Variants in RMDN2 observed in about 807,000 individuals in gnomAD.
RMDN2 encodes the protein regulator of microtubule dynamics 2, also known as regulator of microtubule dynamics protein 2.
RMDN2 carries 61 observed loss-of-function variants against 52.8 expected under a neutral mutation model. The observed-to-expected ratio is 1.16, with a 90% CI of 0.94 to 1.43. The LOEUF is 1.43. Among genes scored for constraint, RMDN2 ranks in the 40% most tolerant of loss-of-function variants. The probability of loss-of-function intolerance (pLI) is 0.00; values close to 1 mark genes in which losing one functional copy is unlikely to be tolerated. For missense variants in RMDN2, 592 were observed against 475.3 expected, an observed-to-expected ratio of 1.25 and a Z score of -2.28; for synonymous variants, 180 against 153.1, an observed-to-expected ratio of 1.18 and a Z score of -1.30.
intron 10 of RMDN2, among the ~76,000 whole-genome samples, chr2:38,031,939 A>G (rs924777882): frequency 1.3e-5 from 2 of 152,140 alleles, no homozygotes; most frequent in Admixed American, 6.5e-5. Context: ...GAATCATACA[A>G]CAAAGCAGAT....
chr2:38,013,355 T>G (rs1678274463), intron 10 of RMDN2, among the ~76,000 whole-genome samples: 1 of 152,244 alleles, frequency 6.6e-6, no homozygotes, highest in South Asian at 2.1e-4. Context: ...TTAAAATTGC[T>G]GAAACATTTT....
chr2:38,022,848 T>C (rs1573150732), intron 10 of RMDN2, among the ~76,000 whole-genome samples: 1 of 152,242 alleles, frequency 6.6e-6, no homozygotes, highest in South Asian at 2.1e-4. Flanking sequence ...ACTAAACTTC[T>C]CATTTTTACC....
intron 10 of RMDN2, among the ~76,000 whole-genome samples, chr2:38,056,746 T>C (rs1025777759): frequency 1.3e-5 from 2 of 152,236 alleles, no homozygotes; most frequent in Non-Finnish European, 2.9e-5. Context: ...CTAAATGATA[T>C]AAAATGATGG....
chr2:38,050,872 C>G (rs1319900971), intron 10 of RMDN2, among the ~76,000 whole-genome samples: 8 of 152,208 alleles, frequency 5.3e-5, no homozygotes, highest in African/African-American at 1.9e-4. Context: ...AGTTCTCTCA[C>G]CTCAGCATCC....
chr2:37,950,304 G>A (rs1572754530), intron 2 of RMDN2: 4 of 645,628 alleles, frequency 6.2e-6, no homozygotes, highest in South Asian at 3.8e-5. Context: ...TGGATTTGTT[G>A]GATGACTCCT....
intron 2 of RMDN2, among the ~76,000 whole-genome samples, chr2:37,962,253 G>A (rs1230115921): frequency 6.6e-6 from 1 of 152,220 alleles, no homozygotes; most frequent in Non-Finnish European, 1.5e-5. Context: ...TTCAGAGCCA[G>A]CAGGCAGAAA....
At chr2:37,985,870 G>C (rs973819274) in intron 5 of RMDN2, among the ~76,000 whole-genome samples, 1 of 151,992 alleles carries the variant, frequency 6.6e-6, no homozygotes, top group Non-Finnish European at 1.5e-5. Flanking sequence ...ATAAAATATA[G>C]ATTTTAGTTA....
At chr2:38,021,176 A>T (rs1679341669), downstream of RMDN2, among the ~76,000 whole-genome samples, 1 of 152,162 alleles carries the variant, frequency 6.6e-6, no homozygotes, top group East Asian at 1.9e-4. Flanking sequence ...CTCTGTATCT[A>T]GCTAATCTAG....
At chr2:37,985,077 G>C (rs1673819939) in intron 5 of RMDN2, among the ~76,000 whole-genome samples, 1 of 152,154 alleles carries the variant, frequency 6.6e-6, no homozygotes. Flanking sequence ...TATTTAAAAG[G>C]GAAAATGTAC....
At chr2:37,926,318 GGAAAT>G (rs2124876063) in intron 1 of RMDN2, among the ~76,000 whole-genome samples, 1 of 152,246 alleles carries the variant, frequency 6.6e-6, no homozygotes, top group African/African-American at 2.4e-5. Flanking sequence ...ACTAGAACAT[GGAAAT>G]GAAATGTTTC....
At chr2:38,026,743 C>T (rs57588519) in intron 10 of RMDN2, among the ~76,000 whole-genome samples, 6,770 of 152,240 alleles carry the variant, frequency 0.044, 488 homozygotes, top group African/African-American at 0.15. Flanking sequence ...CTAATGCTAT[C>T]CCTCCCCTAG....
chr2:37,929,859 G>T, intron 2 of RMDN2, 130 bp downstream of exon 2: 1 of 626,462 alleles, frequency 1.6e-6, no homozygotes, highest in Non-Finnish European at 2.7e-6. Context: ...GTGATATTTT[G>T]ACTTAGATTA....
At chr2:37,996,880 A>T (rs1169528633) in intron 7 of RMDN2, among the ~76,000 whole-genome samples, 1 of 152,150 alleles carries the variant, frequency 6.6e-6, no homozygotes, top group African/African-American at 2.4e-5. Flanking sequence ...GTAAATATGT[A>T]TAGTGGGTCC....
upstream of RMDN2, chr2:37,923,289 A>C (rs1666082879): frequency 6.6e-6 from 1 of 152,200 alleles, no homozygotes; most frequent in Admixed American, 6.5e-5. Flanking sequence ...ATTGGAAAGG[A>C]GCAAGTGTGA....
chr2:37,932,827 ACCTCCCTCC>A (rs1666912117), intron 2 of RMDN2, among the ~76,000 whole-genome samples: 1 of 87,738 alleles, frequency 1.1e-5, no homozygotes, highest in African/African-American at 4.5e-5. Context: ...TGACCCCCCG[ACCTCCCTCC>A]CGGACGGGGC....
In RMDN2 at chr2:38,012,693, G is replaced by C. The variant is rs75098951; in HGVS notation, c.1180-4493G>C. ...CATTTCTTTTTCCATGAGAAAATAGGATGAAGTGAGTTATATGTAATACCC... is the reference window on the plus strand; with the variant it reads ...CATTTCTTTTTCCATGAGAAAATAGCATGAAGTGAGTTATATGTAATACCC... On this transcript the variant is annotated intron_variant, in intron 10 of 10. Transcript: ENST00000354545. The C allele has an allele frequency of 2.0e-3, 888 of 434,180 alleles. 2 individuals are homozygous for C. Among genetic ancestry groups the C allele is most frequent in the African/African-American group, 0.017 (815 of 48,498 alleles). 26.9% of individuals were successfully genotyped at this position (434,180 alleles called of 1,614,324 possible). A position where few individuals can be genotyped will look rare whatever the true frequency, so the allele number is the denominator to read the frequency against.
rs1666172939 is a variant in RMDN2 at position 37,925,317 on chromosome 2, G to A, written c.-125G>A. 2.0e-5 allele frequency: 3 copies of A among 152,246 alleles called. No homozygotes were observed. The allele number at this position is 152,246 out of a possible 1,614,324, so 9.4% of individuals were successfully genotyped here. A position where few individuals can be genotyped will look rare whatever the true frequency, so the allele number is the denominator to read the frequency against. On this transcript the variant is annotated 5_prime_UTR_variant, in exon 1 of 11. Transcript: ENST00000354545. ...GGTCAGGACGCGACGGCCGCGGCGC[G>A]GGACCTTAGGACCCGCGGGCTCCAG... is the stretch of plus-strand genomic sequence containing the variant.
chr2:38,047,753 A>G (rs539268497), intron 10 of RMDN2, among the ~76,000 whole-genome samples: 2 of 152,228 alleles, frequency 1.3e-5, no homozygotes, highest in African/African-American at 2.4e-5. Context: ...CTCTCCCATG[A>G]CGGTTAACTG....
intron 10 of RMDN2, among the ~76,000 whole-genome samples, chr2:38,051,526 C>A (rs1215014114): frequency 6.6e-6 from 1 of 152,054 alleles, no homozygotes; most frequent in Non-Finnish European, 1.5e-5. Context: ...TTTGTCATTT[C>A]TTTGTGTTTG....
Sources: gnomAD v4.1 joint callset for allele counts (sites outside exome capture counted in the v4.1 genomes callset) on GRCh38, gnomAD v4.1.1 for gene constraint, MANE v1.5 for transcripts, NCBI Gene and HGNC (gene_info 2026-07-23, HGNC 2026-07-21) for gene names.